UNC5D: variants seen among roughly 807,000 people sequenced by gnomAD.
The protein encoded by UNC5D is netrin receptor UNC5D.
UNC5D carries 39 observed loss-of-function variants against 105.4 expected under a neutral mutation model. The ratio of observed to expected loss-of-function variants is 0.37; its 90% CI spans 0.29 to 0.48. UNC5D has a LOEUF of 0.48. Among genes scored for constraint, UNC5D ranks in the 20% least tolerant of loss-of-function variants. UNC5D has a pLI of 0.98. For synonymous variants in UNC5D, 452 were observed against 450.4 expected (o/e 1.00, Z -0.04); for missense variants, 991 against 1,202.4 (o/e 0.82, Z 2.60).
intron 16 of UNC5D, among the ~76,000 whole-genome samples, chr8:35,782,349 A>AT (rs1802538975): frequency 6.6e-6 from 1 of 152,192 alleles, no homozygotes; most frequent in Admixed American, 6.5e-5. Flanking sequence ...AATTAAAATG[A>AT]TAGCAGAGAT....
chr8:35,652,915 AT>A (rs34611902), intron 4 of UNC5D, among the ~76,000 whole-genome samples: 161 of 49,152 alleles, frequency 3.3e-3, no homozygotes, highest in African/African-American at 7.2e-3. Flanking sequence ...ACAAGTGAGG[AT>A]TTTTTTTTTT....
At chr8:35,488,976 G>C (rs942576768) in intron 1 of UNC5D, among the ~76,000 whole-genome samples, 3 of 151,962 alleles carry the variant, frequency 2.0e-5, no homozygotes, top group African/African-American at 7.2e-5. Flanking sequence ...GCCGTATAAG[G>C]CAGAGTATTA....
intron 1 of UNC5D, among the ~76,000 whole-genome samples, chr8:35,287,887 T>C (rs1161912453): frequency 6.6e-6 from 1 of 152,064 alleles, no homozygotes; most frequent in Admixed American, 6.6e-5. Flanking sequence ...TGAGTTCAAA[T>C]ATAGGACATT....
intron 15 of UNC5D, 90 bp from the exon 16 acceptor site, chr8:35,774,209 G>A: frequency 6.8e-7 from 1 of 1,476,110 alleles, no homozygotes; most frequent in Non-Finnish European, 9.3e-7. Context: ...TTGTGCATGT[G>A]TGTTAACCCA....
intron 2 of UNC5D, among the ~76,000 whole-genome samples, chr8:35,562,993 G>T (rs1817065720): frequency 6.6e-6 from 1 of 151,708 alleles, no homozygotes; most frequent in Non-Finnish European, 1.5e-5. Context: ...GACAGATAAG[G>T]GTCTAATTTC....
chr8:35,628,359 C>T (rs557207434), intron 4 of UNC5D, among the ~76,000 whole-genome samples: 13 of 152,210 alleles, frequency 8.5e-5, no homozygotes, highest in Middle Eastern at 3.4e-3. Context: ...GTCTTGAATT[C>T]CTTACCTCAG....
chr8:35,585,719 T>C (rs1460207959), intron 3 of UNC5D, among the ~76,000 whole-genome samples: 1 of 151,848 alleles, frequency 6.6e-6, no homozygotes, highest in Non-Finnish European at 1.5e-5. Flanking sequence ...TGCTTCCTTC[T>C]TTGATGGACA....
At chr8:35,691,468 C>CA (rs753997278) in intron 7 of UNC5D, among the ~76,000 whole-genome samples, 49 of 152,246 alleles carry the variant, frequency 3.2e-4, no homozygotes, top group Non-Finnish European at 5.7e-4. Flanking sequence ...TCCTGGCTGA[C>CA]AAAGGGAGAC....
At chr8:35,319,197 T>C (rs1809528924) in intron 1 of UNC5D, among the ~76,000 whole-genome samples, 2 of 152,130 alleles carry the variant, frequency 1.3e-5, no homozygotes. Context: ...TACATTCTAA[T>C]TTCCTAGTAA....
At chr8:35,501,676 C>A (rs1811982444) in intron 1 of UNC5D, among the ~76,000 whole-genome samples, 1 of 152,174 alleles carries the variant, frequency 6.6e-6, no homozygotes, top group South Asian at 2.1e-4. Context: ...ATGACTGTTA[C>A]CATTCAGAAT....
intron 1 of UNC5D, among the ~76,000 whole-genome samples, chr8:35,342,309 G>A (rs918003553): frequency 2.0e-5 from 3 of 152,022 alleles, no homozygotes; most frequent in Non-Finnish European, 2.9e-5. Context: ...ATTCCTATTC[G>A]TCATATGGGA....
At chr8:35,510,631 C>A (rs891657126) in intron 1 of UNC5D, among the ~76,000 whole-genome samples, 1 of 152,114 alleles carries the variant, frequency 6.6e-6, no homozygotes, top group Non-Finnish European at 1.5e-5. Context: ...GCTCAGGATG[C>A]ACTGGGAAGC....
At chr8:35,270,600 T>G (rs1387501995) in intron 1 of UNC5D, among the ~76,000 whole-genome samples, 1 of 152,250 alleles carries the variant, frequency 6.6e-6, no homozygotes, top group African/African-American at 2.4e-5. Flanking sequence ...ACTGTATGTG[T>G]CATTATCGTT....
intron 1 of UNC5D, among the ~76,000 whole-genome samples, chr8:35,404,456 G>A (rs963648461): frequency 6.6e-6 from 1 of 152,180 alleles, no homozygotes; most frequent in East Asian, 1.9e-4. Context: ...ATACTTTCCT[G>A]CTGAAAGTAT....
intron 1 of UNC5D, among the ~76,000 whole-genome samples, chr8:35,385,112 G>A (rs2128935541): frequency 6.6e-6 from 1 of 152,334 alleles, no homozygotes; most frequent in East Asian, 1.9e-4. Flanking sequence ...TCTTGGCTTT[G>A]CTAGTGCTAT....
chr8:35,342,719 G>A (rs1272595772), intron 1 of UNC5D, among the ~76,000 whole-genome samples: 1 of 152,024 alleles, frequency 6.6e-6, no homozygotes, highest in African/African-American at 2.4e-5. Flanking sequence ...ACAGATTCCT[G>A]GGTACAGACC....
chr8:35,318,391 A>G (rs1297544460), intron 1 of UNC5D, among the ~76,000 whole-genome samples: 2 of 152,102 alleles, frequency 1.3e-5, no homozygotes, highest in Admixed American at 6.6e-5. Context: ...TGATAAATAC[A>G]TGAATTCCTA....
chr8:35,588,106 A>G (rs573123028), intron 3 of UNC5D, among the ~76,000 whole-genome samples: 2 of 151,690 alleles, frequency 1.3e-5, no homozygotes, highest in South Asian at 4.2e-4. Flanking sequence ...TCCCTTATAC[A>G]GAACAATGTG....
chr8:35,700,312 C>T (rs962873850), intron 7 of UNC5D, among the ~76,000 whole-genome samples: 3 of 151,878 alleles, frequency 2.0e-5, no homozygotes, highest in Non-Finnish European at 2.9e-5. Context: ...ATTTTGTTCC[C>T]CCCATCTTTT....
Sources: allele counts gnomAD v4.1 joint callset (sites outside exome capture counted in the v4.1 genomes callset), GRCh38; gene constraint gnomAD v4.1.1; transcripts MANE v1.5; gene names NCBI Gene and HGNC (gene_info 2026-07-23, HGNC 2026-07-21).